Variants in SLC30A9 observed in about 807,000 individuals in gnomAD.
The protein encoded by SLC30A9 is solute carrier family 30 member 9, also known as proton-coupled zinc antiporter SLC30A9, mitochondrial.
Under a neutral mutation model 87.5 loss-of-function variants are expected in SLC30A9, and 58 were observed. The ratio of observed to expected loss-of-function variants is 0.66; its 90% confidence interval spans 0.54 to 0.82. SLC30A9 has a LOEUF of 0.82. Ranked by LOEUF, SLC30A9 falls within the 40% of genes least tolerant of loss-of-function variation. The probability of loss-of-function intolerance (pLI) is 0.00; values close to 1 mark genes in which losing one functional copy is unlikely to be tolerated. For synonymous variants in SLC30A9, 234 were observed against 233.0 expected (o/e 1.00, Z -0.04); for missense variants, 557 against 679.1 (o/e 0.82, Z 2.00).
chr4:42,021,275 A>G (rs1228999948), intron 4 of SLC30A9, among the ~76,000 whole-genome samples: 1 of 152,232 alleles, frequency 6.6e-6, no homozygotes, highest in Non-Finnish European at 1.5e-5. Context: ...CAGGATGAGC[A>G]TAATACAAGA....
Position 42,086,155 on chromosome 4 carries a change from G to C in SLC30A9, c.*29G>C, listed in dbSNP as rs375661646. The C allele has an allele frequency of 2.1e-6, 3 of 1,421,322 alleles. No homozygotes were observed. The highest frequency in any genetic ancestry group is 2.9e-6 in the Non-Finnish European group (3 of 1,038,382). 88.0% of individuals were successfully genotyped at this position (1,421,322 alleles called of 1,614,324 possible). A position where few individuals can be genotyped will look rare whatever the true frequency, so the allele number is the denominator to read the frequency against. ...TGATGGAATGAATCACCTGGGTGGG[G>C]ACCTTGGAAACAAGTTTGTCCGTCC... On this transcript the variant is annotated 3_prime_UTR_variant, in exon 18 of 18. Transcript: ENST00000264451.
intron 1 of SLC30A9, among the ~76,000 whole-genome samples, chr4:41,996,753 G>A (rs1200600395): frequency 6.6e-6 from 1 of 151,902 alleles, no homozygotes; most frequent in Non-Finnish European, 1.5e-5. Flanking sequence ...GAAAAACACA[G>A]GTGGGTGCGG....
At position 41,990,689 on chromosome 4, in the gene SLC30A9, G is replaced by A. The variant is rs745635130; in HGVS notation, c.38G>A (p.Cys13Tyr). ...TTGGCCGCCGCCGCGGCCCACAGAT[G>A]TAGCTGGTCCTCCCTGTGCCGGCTC... ...PGLAAAAAHR[C>Y]SWSSLCRLRL... The change falls in exon 1 of 18, where the codon TGT becomes TAT. Residue 13 changes from cysteine (C) to tyrosine (Y), a missense_variant. By Grantham distance (194) the Cys-to-Tyr change is radical. Coordinates refer to ENST00000264451, the MANE Select transcript of SLC30A9 (RefSeq NM_006345.4). 2 of 1,611,852 alleles carry A rather than the reference G, an allele frequency of 1.2e-6. No individual in the cohort carries two copies. Among genetic ancestry groups the A allele is most frequent in the East Asian group, 2.2e-5 (1 of 44,842 alleles).
intron 2 of SLC30A9, among the ~76,000 whole-genome samples, chr4:42,010,999 A>G (rs1246484595): frequency 6.6e-6 from 1 of 152,264 alleles, no homozygotes. Context: ...AGGAGACTGA[A>G]AATAGCTAAT....
At chr4:42,001,152 T>TA (rs1714966811) in intron 1 of SLC30A9, among the ~76,000 whole-genome samples, 1 of 152,198 alleles carries the variant, frequency 6.6e-6, no homozygotes, top group South Asian at 2.1e-4. Context: ...ATTATCTGAT[T>TA]AAAAAATCGG....
intron 6 of SLC30A9, among the ~76,000 whole-genome samples, chr4:42,031,391 A>G (rs1350333334): frequency 6.6e-6 from 1 of 152,204 alleles, no homozygotes; most frequent in Admixed American, 6.5e-5. Flanking sequence ...AATCCATTAA[A>G]TAGTGCAGTT....
rs76788997 is a variant in SLC30A9 at position 42,028,902 on chromosome 4, G to A, written c.610+5518G>A. 3.0e-3 allele frequency among the ~76,000 whole-genome samples: 452 copies of A among 152,284 alleles called. 5 individuals are homozygous for A. The highest frequency in any genetic ancestry group is 0.01 in the African/African-American group (423 of 41,566). On this transcript the variant is annotated intron_variant, in intron 6 of 17. Transcript: ENST00000264451. ...TAGAAAATTAGGTTTTGCTGCAGAC[G>A]TTATTTTTCTTAATGCATTCAGTGT...
intron 16 of SLC30A9, 36 bp downstream of exon 16, chr4:42,075,822 G>T (rs749320781): frequency 2.5e-6 from 4 of 1,583,612 alleles, no homozygotes; most frequent in East Asian, 4.5e-5. Flanking sequence ...ATAACTGAGG[G>T]TTAGAAAAAT....
At chr4:41,995,816 C>A (rs1577674390) in intron 1 of SLC30A9, among the ~76,000 whole-genome samples, 1 of 152,198 alleles carries the variant, frequency 6.6e-6, no homozygotes, top group Admixed American at 6.5e-5. Flanking sequence ...CTCCAGTGAT[C>A]CTCCCACTTC....
intron 17 of SLC30A9, among the ~76,000 whole-genome samples, chr4:42,082,460 G>A (rs893948849): frequency 1.3e-5 from 2 of 152,108 alleles, no homozygotes; most frequent in African/African-American, 4.8e-5. Flanking sequence ...ATTTTGGGAG[G>A]TCACACTCAT....
chr4:42,025,022 A>G (rs542682317), intron 6 of SLC30A9, among the ~76,000 whole-genome samples: 55 of 152,288 alleles, frequency 3.6e-4, no homozygotes, highest in African/African-American at 1.3e-3. Flanking sequence ...TCTTTTTAGT[A>G]GGGAAATTTC....
intron 15 of SLC30A9, among the ~76,000 whole-genome samples, chr4:42,072,620 T>G (rs531673447): frequency 6.6e-6 from 1 of 152,268 alleles, no homozygotes; most frequent in South Asian, 2.1e-4. Context: ...TGTTTTATAT[T>G]AGTTCTGTCC....
At chr4:42,050,874 A>G (rs1277085282) in intron 9 of SLC30A9, among the ~76,000 whole-genome samples, 3 of 152,184 alleles carry the variant, frequency 2.0e-5, no homozygotes, top group Admixed American at 6.6e-5. Context: ...CATTGAGTTG[A>G]GAAGACAGAA....
In SLC30A9 at chr4:42,066,486, T is replaced by C. The variant is rs773819193; in HGVS notation, c.1073-64T>C. The C allele has an allele frequency of 7.0e-5, 69 of 990,570 alleles. 1 individual carries two copies. The Admixed American group carries it at 1.3e-3, about 18-fold the overall frequency. 61.4% of individuals were successfully genotyped at this position (990,570 alleles called of 1,614,324 possible). On this transcript the variant is annotated intron_variant, in intron 12 of 17. Transcript: ENST00000264451. ...GTGCTTATTTGTTTATCTTTTGAGA[T>C]GCCATCTTTAAAGTTTGGAGGCATG...
At chr4:42,075,899 T>C (rs890895399) in intron 16 of SLC30A9, 113 bp downstream of exon 16, 2 of 1,000,804 alleles carry the variant, frequency 2.0e-6, no homozygotes, top group African/African-American at 3.3e-5. Context: ...TCTCAACTTC[T>C]TAGGTTCCAA....
chr4:42,014,642 T>C (rs1560538407), intron 2 of SLC30A9, among the ~76,000 whole-genome samples: 4 of 152,234 alleles, frequency 2.6e-5, no homozygotes, highest in African/African-American at 7.2e-5. Context: ...AGCCAAGGTT[T>C]GGAAGCAAGC....
intron 2 of SLC30A9, among the ~76,000 whole-genome samples, chr4:42,006,779 T>G (rs1360768210): frequency 1.3e-5 from 2 of 149,514 alleles, no homozygotes; most frequent in Non-Finnish European, 3.0e-5. Flanking sequence ...GATTTGGCGG[T>G]GGGGTTGGTA....
chr4:42,040,795 C>CA (rs755795146), intron 8 of SLC30A9, among the ~76,000 whole-genome samples: 1 of 8,320 alleles, frequency 1.2e-4, no homozygotes. Context: ...GACTCTGTCT[C>CA]AAAAAAAAAA....
chr4:41,998,462 C>CTTTTTTT (rs34295020), intron 1 of SLC30A9, among the ~76,000 whole-genome samples: 7 of 144,938 alleles, frequency 4.8e-5, no homozygotes, highest in Non-Finnish European at 1.5e-5. Context: ...TTCAGTAATT[C>CTTTTTTT]TTTTTTTTTG....
Sources: gnomAD v4.1 joint callset for allele counts (sites outside exome capture counted in the v4.1 genomes callset) on GRCh38, gnomAD v4.1.1 for gene constraint, MANE v1.5 for transcripts, NCBI Gene and HGNC (gene_info 2026-07-23, HGNC 2026-07-21) for gene names.